The following RELCH variants were observed in gnomAD, a reference collection of about 807,000 sequenced individuals.
RELCH encodes the protein RAB11-binding protein RELCH.
Under a neutral mutation model 150.3 loss-of-function variants are expected in RELCH, and 41 were observed. The ratio of observed to expected loss-of-function variants is 0.27; its 90% CI spans 0.21 to 0.35. The LOEUF is 0.35. Among genes scored for constraint, RELCH ranks in the 10% least tolerant of loss-of-function variants. The pLI is 1.00. For missense variants in RELCH, 1,092 were observed against 1,467.8 expected (o/e 0.74, Z 4.18); for synonymous variants, 478 against 531.8 (o/e 0.90, Z 1.39).
chr18:62,273,901 C>G (rs1359540241), intron 20 of RELCH, 79 bp from the exon 21 acceptor site: 5 of 862,410 alleles, frequency 5.8e-6, no homozygotes, highest in Non-Finnish European at 9.4e-6. Flanking sequence ...GTAACATTTT[C>G]TAATTATAGA....
intron 15 of RELCH, among the ~76,000 whole-genome samples, chr18:62,259,136 G>A (rs1195950781): frequency 6.6e-6 from 1 of 151,842 alleles, no homozygotes; most frequent in African/African-American, 2.4e-5. Context: ...CCACATACAA[G>A]AATTAAAGAA....
chr18:62,209,461 T>C lies in RELCH; in HGVS notation c.527-1692T>C, dbSNP rs577481286. Among the ~76,000 whole-genome samples the C allele has an allele frequency of 5.9e-5, 9 of 152,352 alleles. No individual in the cohort carries two copies. The South Asian group carries it at 1.9e-3, about 32-fold the overall frequency. On this transcript the variant is annotated intron_variant, in intron 1 of 28. Coordinates refer to ENST00000644646, the MANE Select transcript of RELCH (RefSeq NM_001346231.2). ...ACTTGACCATAAATGTAAGGGCTTATTTCTGGACTCTGAATTCTATTGCAT... is the reference window on the plus strand; with the variant it reads ...ACTTGACCATAAATGTAAGGGCTTACTTCTGGACTCTGAATTCTATTGCAT...
At chr18:62,292,187 A>C (rs2045180642) in intron 27 of RELCH, among the ~76,000 whole-genome samples, 1 of 152,042 alleles carries the variant, frequency 6.6e-6, no homozygotes, top group African/African-American at 2.4e-5. Flanking sequence ...TTACTCTCTC[A>C]ACTTTTACAG....
At chr18:62,189,090 T>C (rs2038406506) in intron 1 of RELCH, among the ~76,000 whole-genome samples, 1 of 152,174 alleles carries the variant, frequency 6.6e-6, no homozygotes, top group Non-Finnish European at 1.5e-5. Context: ...GAATCTTAAA[T>C]ATATTTCCCC....
At chr18:62,286,566 T>C (rs2044807903) in intron 25 of RELCH, among the ~76,000 whole-genome samples, 1 of 151,968 alleles carries the variant, frequency 6.6e-6, no homozygotes, top group African/African-American at 2.4e-5. Context: ...TGGGTGGCGT[T>C]TTGTGATCCT....
chr18:62,239,113 T>TCTTTAAACCTA (rs1237835005), intron 10 of RELCH, among the ~76,000 whole-genome samples: 1 of 152,142 alleles, frequency 6.6e-6, no homozygotes, highest in East Asian at 1.9e-4. Flanking sequence ...TTGACTCCCT[T>TCTTTAAACCTA]CTTTAAACCT....
intron 25 of RELCH, 38 bp downstream of exon 25, chr18:62,282,482 T>C (rs1463150701): frequency 6.2e-7 from 1 of 1,602,600 alleles, no homozygotes; most frequent in East Asian, 2.2e-5. Context: ...TGAATTGTAA[T>C]GTAAGATCAA....
chr18:62,271,197 C>G (rs1036588936), intron 20 of RELCH, among the ~76,000 whole-genome samples: 1 of 152,174 alleles, frequency 6.6e-6, no homozygotes, highest in African/African-American at 2.4e-5. Context: ...AACTAGTTTA[C>G]AGACCCACCA....
At chr18:62,256,262 T>C (rs1238908952) in intron 13 of RELCH, among the ~76,000 whole-genome samples, 2 of 152,092 alleles carry the variant, frequency 1.3e-5, no homozygotes, top group East Asian at 1.9e-4. Flanking sequence ...TTTCATGAAA[T>C]TGGATGGAGT....
At position 62,307,040 on chromosome 18, in the gene RELCH, T is replaced by C. The variant is rs2045900693; in HGVS notation, c.*1506T>C. On this transcript the variant is annotated 3_prime_UTR_variant, in exon 29 of 29. Coordinates refer to ENST00000644646, the MANE Select transcript of RELCH (RefSeq NM_001346231.2). ...TCTGAAAACTGTTGGGTTCTAGGCA[T>C]TCCTGAGAAATTGAAAGTGGCTACC... 1 of 152,514 alleles carries C rather than the reference T, an allele frequency of 6.6e-6. No homozygotes were observed. The highest frequency in any genetic ancestry group is 2.4e-5 in the African/African-American group (1 of 41,462). The allele number at this position is 152,514 out of a possible 1,614,324, so 9.4% of individuals were successfully genotyped here.
At chr18:62,274,150 G>C in intron 21 of RELCH, 64 bp downstream of exon 21, 4 of 1,017,524 alleles carry the variant, frequency 3.9e-6, no homozygotes, top group Non-Finnish European at 6.1e-6. Flanking sequence ...GATTTATAGA[G>C]TACATATTTT....
In RELCH at chr18:62,266,581, T is replaced by C. The variant is rs992666753; in HGVS notation, c.2632-120T>C. 9 of 574,142 alleles carry C rather than the reference T, an allele frequency of 1.6e-5. No individual in the cohort carries two copies. The Middle Eastern group carries it at 1.3e-3, about 85-fold the overall frequency. The allele number at this position is 574,142 out of a possible 1,614,324, so 35.6% of individuals were successfully genotyped here. On this transcript the variant is annotated intron_variant, in intron 18 of 28. Transcript: ENST00000644646. The stretch of plus-strand genomic sequence containing the variant: ...TTATTACATTTCTGACCACTTAACT[T>C]AGTCATCTATAAAGCTAAATAAATA...
chr18:62,280,749 G>A (rs774298328), intron 24 of RELCH, 40 bp downstream of exon 24: 1 of 1,343,402 alleles, frequency 7.4e-7, no homozygotes, highest in Non-Finnish European at 1.1e-6. Flanking sequence ...GTGTAATATT[G>A]ATGTGGTCAT....
intron 1 of RELCH, among the ~76,000 whole-genome samples, chr18:62,206,733 C>T (rs1355006868): frequency 1.3e-5 from 2 of 152,166 alleles, no homozygotes; most frequent in Non-Finnish European, 2.9e-5. Context: ...GTTAAAATGT[C>T]CTTCCTGCTA....
At chr18:62,200,574 T>C (rs2039364522) in intron 1 of RELCH, among the ~76,000 whole-genome samples, 1 of 152,012 alleles carries the variant, frequency 6.6e-6, no homozygotes, top group African/African-American at 2.4e-5. Context: ...TTTTTTTTTT[T>C]TTTTAATGGA....
chr18:62,266,630 G>C, intron 18 of RELCH, 71 bp from the exon 19 acceptor site: 1 of 923,656 alleles, frequency 1.1e-6, no homozygotes, highest in South Asian at 1.4e-5. Flanking sequence ...AGCAACAGTA[G>C]TAAACATTTC....
intron 22 of RELCH, 39 bp downstream of exon 22, chr18:62,275,512 G>T: frequency 7.8e-7 from 1 of 1,287,774 alleles, no homozygotes. Context: ...CAATTATAAT[G>T]ATTTTTTTTT....
At chr18:62,262,431 A>G (rs17069663) in intron 16 of RELCH, among the ~76,000 whole-genome samples, 14,392 of 151,824 alleles carry the variant, frequency 0.095, 806 homozygotes, top group East Asian at 0.19. Flanking sequence ...GAACATCAAC[A>G]GACAATCTTC....
chr18:62,203,652 C>CT (rs2039591949), intron 1 of RELCH, among the ~76,000 whole-genome samples: 2 of 152,132 alleles, frequency 1.3e-5, no homozygotes, highest in African/African-American at 4.8e-5. Flanking sequence ...CCTTAATCAA[C>CT]TTTATCAGTA....
Sources: gnomAD v4.1 joint callset for allele counts (sites outside exome capture counted in the v4.1 genomes callset) on GRCh38, gnomAD v4.1.1 for gene constraint, MANE v1.5 for transcripts, NCBI Gene and HGNC (gene_info 2026-07-23, HGNC 2026-07-21) for gene names.